Variants in LMNA observed in about 807,000 individuals in gnomAD.
LMNA encodes the protein lamin.
In LMNA, 20 loss-of-function variants were observed where a neutral mutation model predicts 70.4. The ratio of observed to expected loss-of-function variants is 0.28; its 90% CI spans 0.20 to 0.41. The LOEUF (loss-of-function observed/expected upper bound fraction) is 0.41, where lower values mean the gene tolerates loss of function less well. Ranked by LOEUF, LMNA falls within the 10% of genes least tolerant of loss-of-function variation. The probability of loss-of-function intolerance (pLI) is 1.00; values close to 1 mark genes in which losing one functional copy is unlikely to be tolerated. For missense variants in LMNA, 652 were observed against 917.2 expected, an observed-to-expected ratio of 0.71 and a Z score of 3.73; for synonymous variants, 339 against 372.8, an observed-to-expected ratio of 0.91 and a Z score of 1.04.
At chr1:156,127,702 T>C (rs1462893731) in intron 1 of LMNA, among the ~76,000 whole-genome samples, 1 of 150,642 alleles carries the variant, frequency 6.6e-6, no homozygotes, top group African/African-American at 2.4e-5. Context: ...TTTTTTTTTT[T>C]TTGAGATAGA....
upstream of LMNA, among the ~76,000 whole-genome samples, chr1:156,111,249 G>C (rs901316619): frequency 3.3e-5 from 5 of 151,810 alleles, no homozygotes; most frequent in African/African-American, 1.2e-4. Flanking sequence ...AGGAGTTCGA[G>C]ACCAGCCTGG....
intron 1 of LMNA, among the ~76,000 whole-genome samples, chr1:156,120,579 C>T (rs1034356480): frequency 2.6e-5 from 4 of 152,056 alleles, no homozygotes; most frequent in South Asian, 2.1e-4. Context: ...AAAAATTAGC[C>T]GGTCAACACC....
chr1:156,116,412 C>T (rs927525986), intron 1 of LMNA, among the ~76,000 whole-genome samples: 2 of 151,842 alleles, frequency 1.3e-5, no homozygotes, highest in Admixed American at 6.6e-5. Flanking sequence ...AGTATAGGCC[C>T]TCTCTTCCAG....
chr1:156,132,179 A>C (rs1651130651), intron 2 of LMNA, among the ~76,000 whole-genome samples: 1 of 151,994 alleles, frequency 6.6e-6, no homozygotes, highest in Admixed American at 6.6e-5. Context: ...CTCAAAAAAA[A>C]TAAAAAATAG....
intron 3 of LMNA, among the ~76,000 whole-genome samples, chr1:156,104,230 G>C (rs1011070140): frequency 5.9e-5 from 9 of 152,224 alleles, no homozygotes; most frequent in Admixed American, 2.0e-4. Flanking sequence ...CTCCCAGCTC[G>C]GGTGGGGAGC....
intron 1 of LMNA, 41 bp from the exon 2 acceptor site, chr1:156,130,576 A>G: frequency 6.2e-7 from 1 of 1,610,234 alleles, no homozygotes; most frequent in Non-Finnish European, 8.5e-7. Flanking sequence ...CTAGGCACAC[A>G]GACTCCTTCT....
At chr1:156,121,140 C>T (rs1650159790) in intron 1 of LMNA, among the ~76,000 whole-genome samples, 1 of 150,732 alleles carries the variant, frequency 6.6e-6, no homozygotes. Flanking sequence ...ATCTCCACCT[C>T]CCAGGCTCAA....
intron 1 of LMNA, chr1:156,126,716 T>C: frequency 3.2e-6 from 5 of 1,552,572 alleles, no homozygotes; most frequent in Non-Finnish European, 4.4e-6. Flanking sequence ...ACCCCCTCTC[T>C]TCCCTCTTTC....
chr1:156,134,979 C>T lies in LMNA; in HGVS notation c.810+4C>T. 6.2e-7 allele frequency: 1 copy of T among 1,614,166 alleles called. No homozygotes were observed. The highest frequency in any genetic ancestry group is 8.5e-7 in the Non-Finnish European group (1 of 1,180,028). On this transcript the variant is annotated splice_donor_region_variant and intron_variant, in intron 4 of 11. Transcript: ENST00000368300. This position sits in a 1 kb window ranked among gnomAD's most constrained non-coding sequence, Gnocchi z 5.3. ...GGAGAAGACTTATTCTGCCAAGGTG[C>T]TTGCTCTCGATTGGTTCCCTCACTG...
chr1:156,138,103 A>C lies in LMNA; in HGVS notation c.1698+360A>C. ...ATTCTTGTTGCATGCATATCCTCTCATTTCCCTCATTTTTCCTGCAAGAAT... is the reference window on the plus strand; with the variant it reads ...ATTCTTGTTGCATGCATATCCTCTCCTTTCCCTCATTTTTCCTGCAAGAAT... On this transcript the variant is annotated intron_variant, in intron 10 of 11. Transcript: ENST00000368300. This position sits in a 1 kb window ranked among gnomAD's most constrained non-coding sequence, Gnocchi z 5.5. 1 of 506,040 alleles carries C rather than the reference A, an allele frequency of 2.0e-6. No homozygotes were observed. Among genetic ancestry groups the C allele is most frequent in the South Asian group, 2.2e-5 (1 of 45,022 alleles). 31.3% of individuals were successfully genotyped at this position (506,040 alleles called of 1,614,324 possible).
upstream of LMNA, among the ~76,000 whole-genome samples, chr1:156,113,631 G>T (rs1649623127): frequency 6.6e-6 from 1 of 151,478 alleles, no homozygotes; most frequent in South Asian, 2.1e-4. Flanking sequence ...CTACCTTCTT[G>T]CCCCCCACTA....
chr1:156,086,216 C>T (rs1648467492), intron 2 of LMNA, among the ~76,000 whole-genome samples: 1 of 152,200 alleles, frequency 6.6e-6, no homozygotes, highest in Non-Finnish European at 1.5e-5. Context: ...TTCAGCCAGC[C>T]ACTTCCTATT....
intron 1 of LMNA, chr1:156,123,012 C>T (rs568000099): frequency 2.1e-4 from 32 of 152,374 alleles, no homozygotes; most frequent in African/African-American, 7.2e-4. Flanking sequence ...AGATCCCAGG[C>T]CCGGCAGGGG....
chr1:156,139,128 G>A lies in LMNA; in HGVS notation c.*22G>A, dbSNP rs774695700. On this transcript the variant is annotated 3_prime_UTR_variant, in exon 12 of 12. Transcript: ENST00000368300. ...GTAATCTGGGACCTGCCAGGCAGGG[G>A]TGGGGGTGGAGGCTTCCTGCGTCCT... 3.1e-5 allele frequency: 50 copies of A among 1,613,754 alleles called. No homozygotes were observed. The East Asian group carries it at 1.1e-3, about 35-fold the overall frequency.
chr1:156,098,884 C>G (rs1649039693), intron 3 of LMNA, among the ~76,000 whole-genome samples: 1 of 152,184 alleles, frequency 6.6e-6, no homozygotes, highest in Non-Finnish European at 1.5e-5. Flanking sequence ...ATGCTTGATA[C>G]AAGCAACAGT....
At chr1:156,088,440 C>T (rs999971373) in intron 2 of LMNA, among the ~76,000 whole-genome samples, 6 of 152,052 alleles carry the variant, frequency 3.9e-5, no homozygotes, top group Admixed American at 2.6e-4. Context: ...GATCCCCACC[C>T]TCGGTAAGAC....
At chr1:156,101,257 G>A (rs1649129953) in intron 3 of LMNA, among the ~76,000 whole-genome samples, 1 of 152,190 alleles carries the variant, frequency 6.6e-6, no homozygotes, top group African/African-American at 2.4e-5. Context: ...AGGAGGTCAA[G>A]GTGGAAGGAT....
chr1:156,129,210 T>G (rs1572350814), intron 1 of LMNA, among the ~76,000 whole-genome samples: 2 of 152,238 alleles, frequency 1.3e-5, no homozygotes, highest in East Asian at 3.8e-4. Flanking sequence ...ACTGAGCAAG[T>G]GTGCAGGCTG....
intron 3 of LMNA, among the ~76,000 whole-genome samples, chr1:156,104,584 T>C (rs892912721): frequency 6.6e-6 from 1 of 152,080 alleles, no homozygotes; most frequent in Non-Finnish European, 1.5e-5. Context: ...CCCAGGTCTC[T>C]CTCGTCCATC....
Sources: gnomAD v4.1 joint callset for allele counts (sites outside exome capture counted in the v4.1 genomes callset) on GRCh38, gnomAD v4.1.1 for gene constraint, Gnocchi (gnomAD v3.1) non-coding constraint, MANE v1.5 for transcripts, NCBI Gene and HGNC (gene_info 2026-07-23, HGNC 2026-07-21) for gene names.